Variants in RARB observed in about 807,000 individuals in gnomAD.
The protein encoded by RARB is HBV-activated protein.
Under a neutral mutation model 51.9 loss-of-function variants are expected in RARB, and 17 were observed. The ratio of observed to expected loss-of-function variants is 0.33; its 90% CI spans 0.22 to 0.49. The LOEUF (loss-of-function observed/expected upper bound fraction) is 0.49. Ranked by LOEUF, RARB falls within the 20% of genes least tolerant of loss-of-function variation. The pLI, the probability that RARB is intolerant of heterozygous loss-of-function variation, is 0.99. For missense variants in RARB, 369 were observed against 550.8 expected, an observed-to-expected ratio of 0.67 and a Z score of 3.30; for synonymous variants, 215 against 195.4, an observed-to-expected ratio of 1.10 and a Z score of -0.84.
intron 2 of RARB, among the ~76,000 whole-genome samples, chr3:24,889,166 C>A (rs1703323763): frequency 1.3e-5 from 2 of 152,194 alleles, no homozygotes; most frequent in African/African-American, 4.8e-5. Flanking sequence ...AATGCCATCT[C>A]TTTTCCTTTG....
chr3:25,249,429 A>G (rs1361448033), intron 5 of RARB, among the ~76,000 whole-genome samples: 1 of 152,132 alleles, frequency 6.6e-6, no homozygotes, highest in African/African-American at 2.4e-5. Context: ...CCAGAATGTC[A>G]TAAATTTATT....
chr3:25,065,176 A>G (rs6805033), intron 3 of RARB, among the ~76,000 whole-genome samples: 2,972 of 152,102 alleles, frequency 0.02, 109 homozygotes, highest in African/African-American at 0.068. Flanking sequence ...GAGATTTTTA[A>G]AAAATTGTTA....
At chr3:25,320,090 C>G (rs552536822) in intron 5 of RARB, among the ~76,000 whole-genome samples, 1 of 150,958 alleles carries the variant, frequency 6.6e-6, no homozygotes, top group Non-Finnish European at 1.5e-5. Flanking sequence ...CAGTCTAGAC[C>G]AAGGCAAGCG....
intron 2 of RARB, among the ~76,000 whole-genome samples, chr3:24,955,008 T>C (rs1389852175): frequency 6.6e-6 from 1 of 152,182 alleles, no homozygotes; most frequent in East Asian, 1.9e-4. Context: ...ACCAGCTCAA[T>C]GGAGAGTCAG....
intron 3 of RARB, among the ~76,000 whole-genome samples, chr3:25,095,009 G>C (rs1018698184): frequency 6.6e-6 from 1 of 152,150 alleles, no homozygotes; most frequent in Admixed American, 6.5e-5. Context: ...AAGAAATACA[G>C]GAATTCTCTC....
At chr3:25,158,097 A>G (rs1213610605) in intron 4 of RARB, among the ~76,000 whole-genome samples, 2 of 152,234 alleles carry the variant, frequency 1.3e-5, no homozygotes, top group African/African-American at 4.8e-5. Flanking sequence ...TTTCCGACCC[A>G]AACACATAAG....
intron 4 of RARB, among the ~76,000 whole-genome samples, chr3:25,150,236 T>TA (rs1409333751): frequency 6.6e-6 from 1 of 151,880 alleles, no homozygotes; most frequent in Non-Finnish European, 1.5e-5. Flanking sequence ...TCTAACCTGA[T>TA]ACGCATAGCA....
chr3:25,399,866 A>C (rs577057297), intron 5 of RARB, among the ~76,000 whole-genome samples: 1 of 152,184 alleles, frequency 6.6e-6, no homozygotes, highest in Non-Finnish European at 1.5e-5. Context: ...TCCCACCACG[A>C]ATGCCTTGAG....
At chr3:24,921,651 C>A (rs1695219852) in intron 2 of RARB, among the ~76,000 whole-genome samples, 1 of 152,116 alleles carries the variant, frequency 6.6e-6, no homozygotes, top group Non-Finnish European at 1.5e-5. Context: ...TCTTAACTCT[C>A]TTCCCGCATA....
intron 2 of RARB, among the ~76,000 whole-genome samples, chr3:24,932,078 G>A (rs1695453016): frequency 6.6e-6 from 1 of 152,084 alleles, no homozygotes; most frequent in Non-Finnish European, 1.5e-5. Context: ...CCCAACTTGG[G>A]GAGCCTGCTT....
At chr3:25,166,222 G>T (rs911471047) in intron 4 of RARB, among the ~76,000 whole-genome samples, 1 of 151,972 alleles carries the variant, frequency 6.6e-6, no homozygotes, top group Non-Finnish European at 1.5e-5. Context: ...AATTTTATCA[G>T]CAATATTTAT....
At chr3:25,132,526 C>T (rs1699969584) in intron 4 of RARB, among the ~76,000 whole-genome samples, 3 of 151,908 alleles carry the variant, frequency 2.0e-5, no homozygotes, top group Admixed American at 1.3e-4. Context: ...TGCTAAGATG[C>T]GTTCCCTGTA....
rs574332364 is a variant in RARB at position 25,432,600 on chromosome 3, G to A, written c.157+3712G>A. Among the ~76,000 whole-genome samples the A allele has an allele frequency of 2.5e-4, 38 of 152,090 alleles. 1 individual carries two copies. The highest frequency in any genetic ancestry group is 7.5e-4 in the African/African-American group (31 of 41,406). ...GTATTGTTATGCACTTTTCTCTAAA[G>A]CGTAAGAATAAAAAAAAGTTCTTCT... On this transcript the variant is annotated intron_variant, in intron 1 of 7. Transcript: ENST00000330688.
At chr3:25,099,393 A>G (rs1699357103) in intron 3 of RARB, among the ~76,000 whole-genome samples, 1 of 152,178 alleles carries the variant, frequency 6.6e-6, no homozygotes, top group Admixed American at 6.5e-5. Context: ...AAGGAAAAAT[A>G]TTAATGTAAC....
chr3:25,391,572 T>C (rs978907614), intron 5 of RARB, among the ~76,000 whole-genome samples: 1 of 152,114 alleles, frequency 6.6e-6, no homozygotes, highest in African/African-American at 2.4e-5. Context: ...TTTTATGTTT[T>C]AATTATGATT....
At chr3:25,520,781 C>CT (rs768729473) in intron 3 of RARB, among the ~76,000 whole-genome samples, 16 of 152,312 alleles carry the variant, frequency 1.1e-4, no homozygotes, top group Admixed American at 2.0e-4. Flanking sequence ...TGCTCTAACA[C>CT]TTAAGTCCAG....
chr3:25,348,996 A>G (rs1420092950), intron 5 of RARB, among the ~76,000 whole-genome samples: 1 of 152,232 alleles, frequency 6.6e-6, no homozygotes, highest in African/African-American at 2.4e-5. Context: ...TCTTTGGTAT[A>G]TATAATACAA....
chr3:25,020,618 A>C (rs1697616068), intron 2 of RARB, among the ~76,000 whole-genome samples: 1 of 152,064 alleles, frequency 6.6e-6, no homozygotes, highest in Non-Finnish European at 1.5e-5. Context: ...TTTAAAAAAA[A>C]GGCAAAGAAA....
intron 5 of RARB, among the ~76,000 whole-genome samples, chr3:25,378,040 A>T (rs1706516548): frequency 6.6e-6 from 1 of 152,214 alleles, no homozygotes; most frequent in African/African-American, 2.4e-5. Flanking sequence ...AATGGAACAT[A>T]AGAGTTCATC....
Sources: allele counts gnomAD v4.1 joint callset (sites outside exome capture counted in the v4.1 genomes callset), GRCh38; gene constraint gnomAD v4.1.1; transcripts MANE v1.5; gene names NCBI Gene and HGNC (gene_info 2026-07-23, HGNC 2026-07-21).